The following PCDH9 variants were observed in gnomAD, a reference collection of about 807,000 sequenced individuals.
PCDH9 encodes the protein protocadherin 9.
A neutral mutation model predicts 70.6 loss-of-function variants in PCDH9; 24 were observed. The ratio of observed to expected loss-of-function variants is 0.34; its 90% confidence interval spans 0.25 to 0.48. The LOEUF (loss-of-function observed/expected upper bound fraction) is 0.48. Ranked by LOEUF, PCDH9 falls within the 20% of genes least tolerant of loss-of-function variation. The probability of loss-of-function intolerance (pLI) is 0.99; values close to 1 mark genes in which losing one functional copy is unlikely to be tolerated. For synonymous variants in PCDH9, 562 were observed against 558.5 expected, an observed-to-expected ratio of 1.01 and a Z score of -0.09; for missense variants, 1,281 against 1,503.6, an observed-to-expected ratio of 0.85 and a Z score of 2.45.
At chr13:66,313,235 G>A (rs1390483240) in intron 4 of PCDH9, among the ~76,000 whole-genome samples, 2 of 152,124 alleles carry the variant, frequency 1.3e-5, no homozygotes, top group Non-Finnish European at 2.9e-5. Flanking sequence ...TGCTTGATGT[G>A]GAACATTGTA....
chr13:66,501,675 A>G (rs1162627285), intron 4 of PCDH9, among the ~76,000 whole-genome samples: 6 of 152,136 alleles, frequency 3.9e-5, no homozygotes, highest in African/African-American at 1.4e-4. Context: ...TATTAAAAAA[A>G]TTAAGATAAT....
intron 4 of PCDH9, among the ~76,000 whole-genome samples, chr13:66,442,666 G>GT (rs10708418): frequency 3.6e-4 from 55 of 151,520 alleles, no homozygotes; most frequent in African/African-American, 1.2e-3. Flanking sequence ...CCAGTTTGTT[G>GT]TTTTTTTTTC....
At chr13:66,774,408 G>C (rs920833813) in intron 3 of PCDH9, among the ~76,000 whole-genome samples, 1 of 145,240 alleles carries the variant, frequency 6.9e-6, no homozygotes, top group Non-Finnish European at 1.6e-5. Context: ...AGAAGAAAGA[G>C]GGGGGAAATG....
chr13:67,059,469 G>A (rs1241259206), intron 2 of PCDH9, among the ~76,000 whole-genome samples: 1 of 148,480 alleles, frequency 6.7e-6, no homozygotes. Flanking sequence ...AATACAGCAA[G>A]GTATGGAATG....
At chr13:66,424,083 C>A (rs1957622078) in intron 4 of PCDH9, among the ~76,000 whole-genome samples, 1 of 152,018 alleles carries the variant, frequency 6.6e-6, no homozygotes, top group African/African-American at 2.4e-5. Flanking sequence ...ACAATTGCTA[C>A]AAAGGGAATA....
chr13:67,027,385 A>G (rs2084806183), intron 2 of PCDH9, among the ~76,000 whole-genome samples: 1 of 152,210 alleles, frequency 6.6e-6, no homozygotes, highest in Non-Finnish European at 1.5e-5. Context: ...CTGAAACTGG[A>G]TCCCTTCCTT....
At chr13:67,026,486 C>G (rs1156527854) in intron 2 of PCDH9, among the ~76,000 whole-genome samples, 1 of 152,042 alleles carries the variant, frequency 6.6e-6, no homozygotes, top group African/African-American at 2.4e-5. Flanking sequence ...TGGAAGCATT[C>G]CCTTTGAAAA....
At chr13:66,905,353 C>T (rs891610546) in intron 2 of PCDH9, among the ~76,000 whole-genome samples, 1 of 152,038 alleles carries the variant, frequency 6.6e-6, no homozygotes, top group Admixed American at 6.6e-5. Flanking sequence ...GAAACATTTC[C>T]TAAATTTCTC....
At chr13:66,806,102 G>T (rs976765309) in intron 3 of PCDH9, among the ~76,000 whole-genome samples, 4 of 152,140 alleles carry the variant, frequency 2.6e-5, no homozygotes, top group Non-Finnish European at 5.9e-5. Flanking sequence ...ATATGTGTTT[G>T]TGTGAATAGA....
intron 3 of PCDH9, among the ~76,000 whole-genome samples, chr13:66,692,225 T>G (rs2078497908): frequency 6.6e-6 from 1 of 152,128 alleles, no homozygotes; most frequent in Non-Finnish European, 1.5e-5. Flanking sequence ...AATCTATAGC[T>G]TTATCATCAA....
At chr13:66,355,900 G>A (rs1332745895) in intron 4 of PCDH9, among the ~76,000 whole-genome samples, 1 of 152,062 alleles carries the variant, frequency 6.6e-6, no homozygotes, top group Non-Finnish European at 1.5e-5. Flanking sequence ...AACTTCAGTG[G>A]AAACACAGAC....
intron 3 of PCDH9, among the ~76,000 whole-genome samples, chr13:66,695,684 G>C (rs1012200821): frequency 1.3e-5 from 2 of 151,984 alleles, no homozygotes; most frequent in East Asian, 3.9e-4. Flanking sequence ...AAAAACTCAG[G>C]TCCTTATTTT....
At chr13:66,873,396 T>G (rs963740608) in intron 3 of PCDH9, among the ~76,000 whole-genome samples, 3 of 152,174 alleles carry the variant, frequency 2.0e-5, no homozygotes, top group Non-Finnish European at 4.4e-5. Flanking sequence ...GGGGAAGGAA[T>G]AGTGAATGTC....
chr13:67,139,941 GT>G (rs2087331588), intron 2 of PCDH9, among the ~76,000 whole-genome samples: 2 of 146,944 alleles, frequency 1.4e-5, no homozygotes, highest in African/African-American at 2.5e-5. Flanking sequence ...GGATAGAATA[GT>G]TTTCTTTCTC....
chr13:67,078,183 A>G (rs2085915789), intron 2 of PCDH9, among the ~76,000 whole-genome samples: 2 of 152,148 alleles, frequency 1.3e-5, no homozygotes, highest in African/African-American at 2.4e-5. Flanking sequence ...TACTGAAGCC[A>G]TGCTTCACCT....
chr13:66,609,348 C>T (rs1186012318), intron 4 of PCDH9, among the ~76,000 whole-genome samples: 1 of 151,928 alleles, frequency 6.6e-6, no homozygotes, highest in Non-Finnish European at 1.5e-5. Flanking sequence ...TTTCTTTTTG[C>T]TAACTTAAAA....
chr13:66,323,742 T>C (rs1240629233), intron 4 of PCDH9, among the ~76,000 whole-genome samples: 1 of 151,716 alleles, frequency 6.6e-6, no homozygotes, highest in East Asian at 1.9e-4. Flanking sequence ...TTAAAGTGAG[T>C]AATGAAGACA....
chr13:66,762,155 C>T (rs912779), intron 3 of PCDH9, among the ~76,000 whole-genome samples: 44,413 of 151,806 alleles, frequency 0.29, 6,849 homozygotes, highest in East Asian at 0.44. Flanking sequence ...TGGTGCAGTG[C>T]GATGCTGGAA....
intron 2 of PCDH9, among the ~76,000 whole-genome samples, chr13:67,149,599 G>T (rs1476648897): frequency 6.6e-6 from 1 of 151,932 alleles, no homozygotes; most frequent in Non-Finnish European, 1.5e-5. Context: ...ACTGCTAATG[G>T]TCACGAATTT....
Sources: allele counts gnomAD v4.1 joint callset (sites outside exome capture counted in the v4.1 genomes callset), GRCh38; gene constraint gnomAD v4.1.1; transcripts MANE v1.5; gene names NCBI Gene and HGNC (gene_info 2026-07-23, HGNC 2026-07-21).